SMARCD3: variants seen among roughly 807,000 people sequenced by gnomAD.
SMARCD3 encodes the protein SWI/SNF related BAF chromatin remodeling complex subunit D3, also known as SWI/SNF-related matrix-associated actin-dependent regulator of chromatin subfamily D member 3.
In SMARCD3, 14 loss-of-function variants were observed where a neutral mutation model predicts 58.0. The observed-to-expected ratio is 0.24, with a 90% CI of 0.16 to 0.38. SMARCD3 has a LOEUF of 0.38. Among genes scored for constraint, SMARCD3 ranks in the 10% least tolerant of loss-of-function variants. SMARCD3 has a pLI of 1.00. For synonymous variants in SMARCD3, 253 were observed against 253.8 expected (o/e 1.00, Z 0.03); for missense variants, 408 against 636.9 (o/e 0.64, Z 3.87).
At position 151,243,294 on chromosome 7, in the gene SMARCD3, T is replaced by C. The variant is rs1803089510; in HGVS notation, c.333+365A>G. Among the ~76,000 whole-genome samples, 1 of 152,166 alleles carries C rather than the reference T, an allele frequency of 6.6e-6. No individual in the cohort carries two copies. The highest frequency in any genetic ancestry group is 1.5e-5 in the Non-Finnish European group (1 of 68,018). On this transcript the variant is annotated intron_variant, in intron 3 of 12. Transcript: ENST00000262188. This position sits in a 1 kb window ranked among gnomAD's most constrained non-coding sequence, Gnocchi z 4.4. Reference sequence around the variant, plus strand: ...CCCCACACCTGTCCCAACTGTGCTGTCCCCATACCCAGCTGGACCTGGGTC... The same window carrying C: ...CCCCACACCTGTCCCAACTGTGCTGCCCCCATACCCAGCTGGACCTGGGTC...
chr7:151,249,662 G>A (rs919099588), upstream of SMARCD3, among the ~76,000 whole-genome samples: 1 of 151,512 alleles, frequency 6.6e-6, no homozygotes, highest in Non-Finnish European at 1.5e-5. This position sits in a 1 kb window ranked among gnomAD's most constrained non-coding sequence, Gnocchi z 4.8. Flanking sequence ...TGGGGGTGGA[G>A]TGGGGTTAGG....
At chr7:151,251,317 A>G (rs996182529), upstream of SMARCD3, among the ~76,000 whole-genome samples, 1 of 152,110 alleles carries the variant, frequency 6.6e-6, no homozygotes, top group Non-Finnish European at 1.5e-5. Flanking sequence ...ACACCCTCCC[A>G]ACACACACAC....
intron 2 of SMARCD3, among the ~76,000 whole-genome samples, chr7:151,264,616 C>T (rs991118387): frequency 2.6e-5 from 4 of 152,214 alleles, no homozygotes; most frequent in African/African-American, 9.6e-5. Flanking sequence ...GAAGACCTAA[C>T]TCCTCAGCAG....
At chr7:151,261,742 G>A (rs947499482) in intron 2 of SMARCD3, among the ~76,000 whole-genome samples, 1 of 152,236 alleles carries the variant, frequency 6.6e-6, no homozygotes, top group Non-Finnish European at 1.5e-5. Flanking sequence ...GCTAGGGTGG[G>A]GCGCAGTGGA....
Position 151,253,750 on chromosome 7 carries a change from ACAG to A in SMARCD3, c.40-8082_40-8080del, listed in dbSNP as rs1237981443. On this transcript the variant is annotated intron_variant, in intron 2 of 13. Transcript: ENST00000356800. ...AGGCCTGGTCCCCATTTCTGCACGG[ACAG>A]GGCTGGGCTGTGGGATGGTGTTTAC... Among the ~76,000 whole-genome samples, 44 of 152,306 alleles carry A rather than the reference ACAG, an allele frequency of 2.9e-4. No individual in the cohort carries two copies. The South Asian group carries it at 4.8e-3, about 16-fold the overall frequency.
rs368338978 is a variant in SMARCD3 at position 151,261,915 on chromosome 7, A to C, written c.39+13199T>G. 3.9e-5 allele frequency among the ~76,000 whole-genome samples: 6 copies of C among 152,244 alleles called. No individual in the cohort carries two copies. The East Asian group carries it at 1.2e-3, about 29-fold the overall frequency. On this transcript the variant is annotated intron_variant, in intron 2 of 13. Coordinates refer to the SMARCD3 transcript ENST00000356800. ...CCTGCGGGAAGTGTGGGGTCTACTC[A>C]AGCCACTGGACGCTTCCTTGGGCAG...
Position 151,243,708 on chromosome 7 carries a change from AT to A in SMARCD3, c.291-8del, listed in dbSNP as rs780672527. 6.8e-6 allele frequency: 11 copies of A among 1,608,312 alleles called. No individual in the cohort carries two copies. The South Asian group carries it at 1.1e-4, about 16-fold the overall frequency. ...CATCTTCCTCCTCTTGGCACTGTAC[AT>A]TTTTTAAAGAAAAAACCAGGTTACC... On this transcript the variant is annotated splice_polypyrimidine_tract_variant and splice_region_variant and intron_variant, in intron 2 of 12. Coordinates refer to ENST00000262188, the MANE Select transcript of SMARCD3 (RefSeq NM_001003801.2). This position sits in a 1 kb window ranked among gnomAD's most constrained non-coding sequence, Gnocchi z 4.4.
chr7:151,241,993 A>G lies in SMARCD3; in HGVS notation c.676-15T>C, dbSNP rs1329013809. The G allele has an allele frequency of 3.1e-6, 5 of 1,604,906 alleles. No individual in the cohort carries two copies. In the South Asian group the frequency reaches 5.5e-5, roughly 18 times the overall value. On this transcript the variant is annotated splice_polypyrimidine_tract_variant and intron_variant, in intron 6 of 12. Transcript: ENST00000262188. The surrounding 1 kb of genome is among the most constrained non-coding windows in gnomAD (Gnocchi z 5.3). ...GTCCGATGCCACTGTCCAGGAGAGA[A>G]GAGCTGTGTCTCCCAAAGGCCCATC...
chr7:151,254,571 G>C lies in SMARCD3; in HGVS notation c.40-8900C>G, dbSNP rs140692618. ...GCGCCCTGCCTCTTCCACCCTGCCT[G>C]GTGTGGGGAGGCCTTTGGCCACCCT... On this transcript the variant is annotated intron_variant, in intron 2 of 13. Coordinates refer to the SMARCD3 transcript ENST00000356800. 2.2e-3 allele frequency: 332 copies of C among 152,552 alleles called. 2 individuals are homozygous for C. The highest frequency in any genetic ancestry group is 6.7e-3 in the Middle Eastern group (2 of 298). 9.4% of individuals were successfully genotyped at this position (152,552 alleles called of 1,614,324 possible).
intron 2 of SMARCD3, among the ~76,000 whole-genome samples, chr7:151,259,601 G>GTTGTT (rs1803839348): frequency 1.4e-5 from 1 of 70,528 alleles, no homozygotes; most frequent in African/African-American, 5.8e-5. Context: ...CAACCTGAGA[G>GTTGTT]TTTTTTTTTT....
At chr7:151,275,370 AAAG>A in intron 1 of SMARCD3, 1 of 578,732 alleles carries the variant, frequency 1.7e-6, no homozygotes, top group East Asian at 2.8e-5. Context: ...TGTGCAGAAA[AAAG>A]GGCCTAGGAT....
chr7:151,242,279 G>A lies in SMARCD3; in HGVS notation c.580-47C>T, dbSNP rs762349222. The A allele has an allele frequency of 1.3e-6, 2 of 1,510,336 alleles. No homozygotes were observed. Among genetic ancestry groups the A allele is most frequent in the Admixed American group, 1.7e-5 (1 of 59,856 alleles). 93.6% of individuals were successfully genotyped at this position (1,510,336 alleles called of 1,614,324 possible). On this transcript the variant is annotated intron_variant, in intron 5 of 12. Transcript: ENST00000262188. The surrounding 1 kb of genome is among the most constrained non-coding windows in gnomAD (Gnocchi z 4.7). ...CATGGGGGCAGAACAGGGACGAGGT[G>A]GGAGGAGCAGAAGGAGGCCAAGTTG...
At chr7:151,263,783 G>A (rs219237) in intron 2 of SMARCD3, among the ~76,000 whole-genome samples, 134,992 of 152,208 alleles carry the variant, frequency 0.89, 60,150 homozygotes, top group African/African-American at 0.97. Context: ...CTCTCTCTAC[G>A]GCATGGCCAG....
intron 2 of SMARCD3, among the ~76,000 whole-genome samples, chr7:151,274,112 T>G (rs1205329440): frequency 6.6e-6 from 1 of 152,264 alleles, no homozygotes; most frequent in East Asian, 1.9e-4. Flanking sequence ...GAGGCCTGTG[T>G]GGTCTGTGGC....
At chr7:151,249,799 C>A (rs1171136138), upstream of SMARCD3, among the ~76,000 whole-genome samples, 1 of 151,476 alleles carries the variant, frequency 6.6e-6, no homozygotes, top group African/African-American at 2.4e-5. This position sits in a 1 kb window ranked among gnomAD's most constrained non-coding sequence, Gnocchi z 4.8. Flanking sequence ...CCAGAAGGGG[C>A]GTGTGGAAGG....
At chr7:151,266,982 G>A (rs947675252) in intron 2 of SMARCD3, among the ~76,000 whole-genome samples, 3 of 152,176 alleles carry the variant, frequency 2.0e-5, no homozygotes, top group African/African-American at 7.2e-5. Flanking sequence ...CAAAGCGCTG[G>A]GATTACAGGC....
chr7:151,275,122 C>T (rs368208319), exon 2 of SMARCD3: 13 of 1,611,784 alleles, frequency 8.1e-6, no homozygotes, highest in East Asian at 2.2e-5. Context: ...ACCTGTACCA[C>T]GGTGGGTGGG....
rs760867135 is a variant in SMARCD3 at position 151,241,452 on chromosome 7, C to T, written c.939+40G>A. Reference sequence around the variant, plus strand: ...AGGTACTTCCCCTGCTGGAGAACTCCGCCTGCTCCCCAGATCCCAGGGTTC... The same window carrying T: ...AGGTACTTCCCCTGCTGGAGAACTCTGCCTGCTCCCCAGATCCCAGGGTTC... On this transcript the variant is annotated intron_variant, in intron 8 of 12. Coordinates refer to ENST00000262188, the MANE Select transcript of SMARCD3 (RefSeq NM_001003801.2). The surrounding 1 kb of genome is among the most constrained non-coding windows in gnomAD (Gnocchi z 5.3). 15 of 1,582,778 alleles carry T rather than the reference C, an allele frequency of 9.5e-6. No individual in the cohort carries two copies. Among genetic ancestry groups the T allele is most frequent in the South Asian group, 2.3e-5 (2 of 87,952 alleles).
intron 2 of SMARCD3, among the ~76,000 whole-genome samples, chr7:151,270,207 A>C (rs1353547241): frequency 1.3e-5 from 2 of 152,162 alleles, no homozygotes; most frequent in East Asian, 3.9e-4. Flanking sequence ...GGGAATGAGC[A>C]TGGAGCACTC....
Sources: gnomAD v4.1 joint callset for allele counts (sites outside exome capture counted in the v4.1 genomes callset) on GRCh38, gnomAD v4.1.1 for gene constraint, Gnocchi (gnomAD v3.1) non-coding constraint, MANE v1.5 for transcripts, NCBI Gene and HGNC (gene_info 2026-07-23, HGNC 2026-07-21) for gene names.